Variants in DAPK1 observed in about 807,000 individuals in gnomAD.
DAPK1 encodes the protein death-associated protein kinase 1.
In DAPK1, 56 loss-of-function variants were observed where a neutral mutation model predicts 144.9. That is an observed-to-expected ratio of 0.39 (90% CI 0.31 to 0.48). The LOEUF (loss-of-function observed/expected upper bound fraction) is 0.48. DAPK1 is among the 20% of genes least tolerant of loss of function. The pLI is 0.95. For synonymous variants in DAPK1, 690 were observed against 749.0 expected (o/e 0.92, Z 1.29); for missense variants, 1,454 against 1,875.4 (o/e 0.78, Z 4.15).
At chr9:87,662,560 G>T (rs373877367) in intron 18 of DAPK1, among the ~76,000 whole-genome samples, 45 of 32,112 alleles carry the variant, frequency 1.4e-3, no homozygotes, top group East Asian at 6.5e-3. Flanking sequence ...TATATTCCTA[G>T]TTTTTTTTTT....
At chr9:87,529,931 A>G (rs983871234) in intron 2 of DAPK1, among the ~76,000 whole-genome samples, 1 of 152,104 alleles carries the variant, frequency 6.6e-6, no homozygotes, top group Non-Finnish European at 1.5e-5. Context: ...GCAGAGGAGG[A>G]GCTGATGCCT....
In DAPK1 at chr9:87,611,339, CG is replaced by C. The variant is rs143133013; in HGVS notation, c.284+6168del. On this transcript the variant is annotated intron_variant, in intron 3 of 25. Transcript: ENST00000408954. ...TATTTAATTTTATTTTTCCTAGAGACGGGGTGTCCCTATGTTACCCAGGCTG... is the reference window on the plus strand; with the variant it reads ...TATTTAATTTTATTTTTCCTAGAGACGGGTGTCCCTATGTTACCCAGGCTG... Among the ~76,000 whole-genome samples the C allele has an allele frequency of 7.4e-3, 1,122 of 152,184 alleles. 15 individuals carry two copies. The highest frequency in any genetic ancestry group is 0.026 in the African/African-American group (1,081 of 41,532).
At chr9:87,668,345 A>C (rs534185938) in intron 18 of DAPK1, 1 of 486,180 alleles carries the variant, frequency 2.1e-6, no homozygotes, top group East Asian at 3.7e-5. Flanking sequence ...TGTGGACCTG[A>C]AAGGTGTCGC....
rs576417058 is a variant in DAPK1 at position 87,681,878 on chromosome 9, C to T, written c.2224+252C>T. On this transcript the variant is annotated intron_variant, in intron 20 of 25. Transcript: ENST00000408954. ...AAATCACAGCCACAGACACAAAGGT[C>T]CATCCTCATAAATGTGCAAACTGCA... 18 of 553,448 alleles carry T rather than the reference C, an allele frequency of 3.3e-5. No individual in the cohort carries two copies. In the East Asian group the frequency reaches 5.6e-4, roughly 17 times the overall value. 34.3% of individuals were successfully genotyped at this position (553,448 alleles called of 1,614,324 possible).
At chr9:87,633,776 T>C (rs1283332753) in intron 3 of DAPK1, among the ~76,000 whole-genome samples, 1 of 152,196 alleles carries the variant, frequency 6.6e-6, no homozygotes, top group African/African-American at 2.4e-5. Context: ...CAGTTCAAGA[T>C]GGTGCATGTT....
intron 3 of DAPK1, among the ~76,000 whole-genome samples, chr9:87,609,895 A>G (rs371324055): frequency 1.8e-3 from 279 of 152,222 alleles, no homozygotes; most frequent in African/African-American, 6.4e-3. Context: ...CCTTGTTGAA[A>G]ACTTGTGCCT....
chr9:87,702,347 C>T (rs1294290748), intron 24 of DAPK1, among the ~76,000 whole-genome samples: 1 of 152,186 alleles, frequency 6.6e-6, no homozygotes, highest in Non-Finnish European at 1.5e-5. Context: ...TAAAAATCCA[C>T]TTCAGCCTAC....
At chr9:87,599,657 C>G (rs1227778225) in intron 2 of DAPK1, among the ~76,000 whole-genome samples, 1 of 152,086 alleles carries the variant, frequency 6.6e-6, no homozygotes, top group African/African-American at 2.4e-5. Flanking sequence ...ATGTCTATAT[C>G]TAATGCAACA....
At chr9:87,575,857 G>T (rs894234315) in intron 2 of DAPK1, among the ~76,000 whole-genome samples, 1 of 152,074 alleles carries the variant, frequency 6.6e-6, no homozygotes, top group Non-Finnish European at 1.5e-5. Context: ...AACAACCCTC[G>T]CATTCTCAGG....
intron 2 of DAPK1, among the ~76,000 whole-genome samples, chr9:87,565,152 C>T (rs1827070878): frequency 6.6e-6 from 1 of 152,168 alleles, no homozygotes; most frequent in African/African-American, 2.4e-5. Context: ...AAAGCACCAC[C>T]ACAGCTCCTT....
chr9:87,667,740 T>A (rs558269127), intron 18 of DAPK1: 1 of 152,362 alleles, frequency 6.6e-6, no homozygotes, highest in African/African-American at 2.4e-5. Flanking sequence ...TTCATTTTTT[T>A]AAATTGCTTT....
intron 2 of DAPK1, among the ~76,000 whole-genome samples, chr9:87,523,538 G>A (rs945237576): frequency 1.3e-5 from 2 of 152,142 alleles, no homozygotes; most frequent in Non-Finnish European, 2.9e-5. Flanking sequence ...GGGCTCCAGC[G>A]ATCTGCCTAC....
Position 87,639,486 on chromosome 9 carries a change from A to G in DAPK1, c.553+3A>G, listed in dbSNP as rs1830021174. 3.7e-6 allele frequency: 6 copies of G among 1,611,010 alleles called. No homozygotes were observed. Among genetic ancestry groups the G allele is most frequent in the Non-Finnish European group, 5.1e-6 (6 of 1,179,278 alleles). On this transcript the variant is annotated splice_donor_region_variant and intron_variant, in intron 5 of 25. Transcript: ENST00000408954. ...ATTTGGGACTCCAGAGTTTGTCGGT[A>G]AGTTTCTTTGCTCCTGTGGTCATTT...
At chr9:87,651,470 G>A (rs138691043) in intron 16 of DAPK1, 57 bp from the exon 17 acceptor site, 10 of 1,555,906 alleles carry the variant, frequency 6.4e-6, no homozygotes, top group Non-Finnish European at 8.9e-6. Context: ...AAGGTGAAGA[G>A]ACGGAGGCCA....
chr9:87,682,526 A>C (rs1159728744), intron 20 of DAPK1, among the ~76,000 whole-genome samples: 2 of 152,184 alleles, frequency 1.3e-5, no homozygotes, highest in Non-Finnish European at 2.9e-5. Flanking sequence ...ACGTCCCCTC[A>C]GTGAGGGAGG....
intron 2 of DAPK1, among the ~76,000 whole-genome samples, chr9:87,528,402 G>A (rs1487915788): frequency 6.6e-6 from 1 of 151,974 alleles, no homozygotes; most frequent in Non-Finnish European, 1.5e-5. Context: ...ATTTTTAGTA[G>A]AGATGGGGTT....
intron 19 of DAPK1, among the ~76,000 whole-genome samples, chr9:87,678,146 T>A (rs901236893): frequency 1.3e-5 from 2 of 152,180 alleles, no homozygotes; most frequent in Admixed American, 6.5e-5. Context: ...GTTCTACAGA[T>A]CATGGTTTGG....
At chr9:87,661,601 T>G (rs1830849200) in intron 18 of DAPK1, among the ~76,000 whole-genome samples, 1 of 152,218 alleles carries the variant, frequency 6.6e-6, no homozygotes, top group East Asian at 1.9e-4. Flanking sequence ...TTTTCATGTT[T>G]GTGGGCTTTC....
At chr9:87,643,676 TC>T (rs1452884619) in intron 11 of DAPK1, among the ~76,000 whole-genome samples, 5 of 151,368 alleles carry the variant, frequency 3.3e-5, no homozygotes, top group Non-Finnish European at 7.4e-5. Flanking sequence ...GATGGTGCTG[TC>T]CCCCCTCATA....
Sources: gnomAD v4.1 joint callset for allele counts (sites outside exome capture counted in the v4.1 genomes callset) on GRCh38, gnomAD v4.1.1 for gene constraint, MANE v1.5 for transcripts, NCBI Gene and HGNC (gene_info 2026-07-23, HGNC 2026-07-21) for gene names.